Variants in SYNE1 observed in about 807,000 individuals in gnomAD.
SYNE1 encodes spectrin repeat containing nuclear envelope protein 1, also known as nesprin-1.
A neutral mutation model predicts 1,111.0 loss-of-function variants in SYNE1; 616 were observed. The ratio of observed to expected loss-of-function variants is 0.55; its 90% CI spans 0.52 to 0.59. SYNE1 has a LOEUF of 0.59. Among genes scored for constraint, SYNE1 ranks in the 20% least tolerant of loss-of-function variants. SYNE1 has a pLI of 0.00. For synonymous variants in SYNE1, 3,855 were observed against 3,825.8 expected (o/e 1.01, Z -0.28); for missense variants, 10,006 against 10,417.0 (o/e 0.96, Z 1.72).
At chr6:152,422,403 C>G (rs1592364086) in intron 39 of SYNE1, among the ~76,000 whole-genome samples, 1 of 152,204 alleles carries the variant, frequency 6.6e-6, no homozygotes, top group Non-Finnish European at 1.5e-5. Flanking sequence ...AAGAGACTGA[C>G]TAAAGAAGAC....
In SYNE1 at chr6:152,332,717, G is replaced by A. The variant is rs988615974; in HGVS notation, c.12795-827C>T. 3.3e-5 allele frequency among the ~76,000 whole-genome samples: 5 copies of A among 152,138 alleles called. No individual in the cohort carries two copies. The South Asian group carries it at 6.2e-4, about 19-fold the overall frequency. On this transcript the variant is annotated intron_variant, in intron 77 of 145. Coordinates refer to ENST00000367255, the MANE Select transcript of SYNE1 (RefSeq NM_182961.4). Reference sequence around the variant, plus strand: ...ACAGATCTAATGGCTACTTAATTGTGTACTTGGATATTTTTTGCTTATCAT... The same window carrying A: ...ACAGATCTAATGGCTACTTAATTGTATACTTGGATATTTTTTGCTTATCAT...
At chr6:152,402,600 G>A (rs1466140135) in intron 46 of SYNE1, 3 of 152,194 alleles carry the variant, frequency 2.0e-5, no homozygotes, top group East Asian at 1.9e-4. Context: ...AGACTCCCAT[G>A]CCTGCCAAAT....
At chr6:152,585,518 CT>C (rs751382224) in intron 3 of SYNE1, among the ~76,000 whole-genome samples, 2 of 152,104 alleles carry the variant, frequency 1.3e-5, no homozygotes, top group African/African-American at 4.8e-5. Flanking sequence ...ACTGGTTTTC[CT>C]TTTTGTAATG....
At chr6:152,623,651 T>A (rs767710648) in intron 3 of SYNE1, among the ~76,000 whole-genome samples, 1 of 152,100 alleles carries the variant, frequency 6.6e-6, no homozygotes, top group Non-Finnish European at 1.5e-5. Context: ...CCAGCATCTA[T>A]AAGGAACTTA....
intron 112 of SYNE1, among the ~76,000 whole-genome samples, chr6:152,232,529 G>C (rs2083013953): frequency 6.6e-6 from 1 of 152,126 alleles, no homozygotes; most frequent in Admixed American, 6.5e-5. Flanking sequence ...GCACCAGAAA[G>C]AAGAGAATAT....
At position 152,121,774 on chromosome 6, in the gene SYNE1, T is replaced by G. The variant is rs1411946403; in HGVS notation, c.*662A>C. On this transcript the variant is annotated 3_prime_UTR_variant, in exon 146 of 146. Coordinates refer to ENST00000367255, the MANE Select transcript of SYNE1 (RefSeq NM_182961.4). ...ACTGTACATACATAAATATCTTTTTTTTTTTACTATAACATTCAACTTTTT... is the reference window on the plus strand; with the variant it reads ...ACTGTACATACATAAATATCTTTTTGTTTTTACTATAACATTCAACTTTTT... 2.6e-5 allele frequency: 4 copies of G among 152,874 alleles called. No individual in the cohort carries two copies. The highest frequency in any genetic ancestry group is 5.9e-5 in the Non-Finnish European group (4 of 68,268). 9.5% of individuals were successfully genotyped at this position (152,874 alleles called of 1,614,324 possible).
chr6:152,563,564 C>A (rs1456240616), intron 3 of SYNE1, among the ~76,000 whole-genome samples: 1 of 152,062 alleles, frequency 6.6e-6, no homozygotes, highest in East Asian at 1.9e-4. Flanking sequence ...CATCACATTG[C>A]ACACCTTGAA....
At chr6:152,154,330 A>G (rs1208638583) in intron 133 of SYNE1, among the ~76,000 whole-genome samples, 2 of 152,084 alleles carry the variant, frequency 1.3e-5, no homozygotes. Flanking sequence ...TTTTCATCTC[A>G]GTGTAATTGA....
In SYNE1 at chr6:152,441,223, T is replaced by C. The variant is rs1592751394; in HGVS notation, c.4056A>G (p.Val1352=). Residue 1352 remains valine, a synonymous_variant, in exon 32 of 146, where the codon GTA becomes GTG. Transcript: ENST00000367255. The stretch of plus-strand genomic sequence containing the variant: ...AACCTGTTTGAAAAAGGTATCTTAC[T>C]ACTGTTTCTTTGTTTGTTTCAAATC... ...WERFETNKET[V]VRYLFQTGSS... is the part of the protein sequence containing the mutation. The C allele has an allele frequency of 6.2e-7, 1 of 1,612,140 alleles. No individual in the cohort carries two copies. The highest frequency in any genetic ancestry group is 2.2e-5 in the East Asian group (1 of 44,764).
chr6:152,471,497 G>C, intron 16 of SYNE1, 100 bp downstream of exon 16: 1 of 1,199,552 alleles, frequency 8.3e-7, no homozygotes, highest in Non-Finnish European at 1.2e-6. Flanking sequence ...CTATCTTTAT[G>C]TTTAAATTCA....
chr6:152,331,809 A>G lies in SYNE1; in HGVS notation c.12876T>C (p.Ile4292=). Reference sequence around the variant, plus strand: ...TCTGCTTTTGATCTTTCAGATCTTCAATAGCATACTTTCTCTCCTGCAATG... The same window carrying G: ...TCTGCTTTTGATCTTTCAGATCTTCGATAGCATACTTTCTCTCCTGCAATG... ...ALALQERKYA[I]EDLKDQKQKM... is the part of the protein sequence containing the mutation. Residue 4292 remains isoleucine (I), a synonymous_variant, in exon 78 of 146, where the codon ATT becomes ATC. Transcript: ENST00000367255. 6.2e-7 allele frequency: 1 copy of G among 1,614,196 alleles called. No individual in the cohort carries two copies. The highest frequency in any genetic ancestry group is 8.5e-7 in the Non-Finnish European group (1 of 1,180,042).
chr6:152,351,876 T>C (rs997547043), intron 70 of SYNE1, 151 bp downstream of exon 70: 6 of 702,366 alleles, frequency 8.5e-6, no homozygotes, highest in African/African-American at 5.3e-5. Flanking sequence ...TAAATCTCCA[T>C]AGGTCATGGC....
intron 115 of SYNE1, among the ~76,000 whole-genome samples, 176 bp from the exon 116 acceptor site, chr6:152,226,052 A>G (rs555888352): frequency 2.6e-5 from 4 of 152,302 alleles, no homozygotes; most frequent in African/African-American, 7.2e-5. Flanking sequence ...AATGCAAAAA[A>G]AAAGTCATCT....
At chr6:152,607,263 C>T (rs941575657) in intron 3 of SYNE1, among the ~76,000 whole-genome samples, 2 of 152,104 alleles carry the variant, frequency 1.3e-5, no homozygotes, top group Admixed American at 6.5e-5. Context: ...GGATTACAGG[C>T]GTGAGCCACC....
At chr6:152,424,317 C>T (rs1017324779) in intron 39 of SYNE1, among the ~76,000 whole-genome samples, 1 of 152,196 alleles carries the variant, frequency 6.6e-6, no homozygotes, top group Non-Finnish European at 1.5e-5. Context: ...TACACATTAT[C>T]CTTATATGCA....
Position 152,390,260 on chromosome 6 carries a change from T to A in SYNE1, c.8177+20A>T, listed in dbSNP as rs214943. The A allele has an allele frequency of 0.4, 652,059 of 1,612,516 alleles. 140,444 individuals carry two copies. The highest frequency in any genetic ancestry group is 0.77 in the East Asian group (34,460 of 44,808). On this transcript the variant is annotated intron_variant, in intron 53 of 145. Transcript: ENST00000367255. ...GTCACTGCATTGGACTTAAACAAAC[T>A]CTAAAAATAGGTTCTGTACCTTTGA...
intron 3 of SYNE1, among the ~76,000 whole-genome samples, chr6:152,600,255 C>T (rs2099593013): frequency 6.6e-6 from 1 of 152,144 alleles, no homozygotes; most frequent in African/African-American, 2.4e-5. Context: ...TTGCCATGAC[C>T]CAGGTGAGAA....
chr6:152,337,779 G>A lies in SYNE1; in HGVS notation c.12352-762C>T, dbSNP rs573317951. ...AACATGCTGAATTATTAATGTTTTG[G>A]ATATGTCTTTGATCTGCTTCACTGG... On this transcript the variant is annotated intron_variant, in intron 75 of 145. Coordinates refer to ENST00000367255, the MANE Select transcript of SYNE1 (RefSeq NM_182961.4). Among the ~76,000 whole-genome samples, 23 of 152,264 alleles carry A rather than the reference G, an allele frequency of 1.5e-4. No homozygotes were observed. The South Asian group carries it at 4.8e-3, about 32-fold the overall frequency.
chr6:152,369,698 C>T, intron 59 of SYNE1, 84 bp from the exon 60 acceptor site: 1 of 1,533,010 alleles, frequency 6.5e-7, no homozygotes, highest in Non-Finnish European at 8.9e-7. Flanking sequence ...CAAAGTCCAC[C>T]CAGGCTGGGC....
Sources: gnomAD v4.1 joint callset for allele counts (sites outside exome capture counted in the v4.1 genomes callset) on GRCh38, gnomAD v4.1.1 for gene constraint, MANE v1.5 for transcripts, NCBI Gene and HGNC (gene_info 2026-07-23, HGNC 2026-07-21) for gene names.